Variants in SPATS2 observed in about 807,000 individuals in gnomAD.
The protein encoded by SPATS2 is spermatogenesis associated serine rich 2, also known as spermatogenesis-associated serine-rich protein 2.
SPATS2 carries 38 observed loss-of-function variants against 63.7 expected under a neutral mutation model. The observed-to-expected ratio is 0.60, with a 90% confidence interval of 0.46 to 0.78. The LOEUF is 0.78. SPATS2 is among the 30% of genes least tolerant of loss of function. The pLI is 0.00. For missense variants in SPATS2, 588 were observed against 666.2 expected, an observed-to-expected ratio of 0.88 and a Z score of 1.29; for synonymous variants, 207 against 232.9, an observed-to-expected ratio of 0.89 and a Z score of 1.01.
intron 9 of SPATS2, among the ~76,000 whole-genome samples, chr12:49,502,177 CCTAA>C (rs1335971611): frequency 2.0e-5 from 3 of 152,242 alleles, no homozygotes; most frequent in African/African-American, 7.2e-5. Context: ...TCAGGTTATA[CCTAA>C]CTGTGTCTCT....
chr12:49,412,966 A>G (rs903354772), intron 2 of SPATS2, among the ~76,000 whole-genome samples: 67 of 152,260 alleles, frequency 4.4e-4, no homozygotes, highest in African/African-American at 1.5e-3. Flanking sequence ...CTGAGTAAGC[A>G]TAAAGCTAGT....
intron 2 of SPATS2, among the ~76,000 whole-genome samples, chr12:49,381,555 A>G (rs982817214): frequency 6.6e-6 from 1 of 152,186 alleles, no homozygotes; most frequent in Admixed American, 6.5e-5. Flanking sequence ...TATATTATCA[A>G]TGTTTAATTA....
chr12:49,494,940 C>G lies in SPATS2; in HGVS notation c.464C>G (p.Ser155Ter). The change falls in exon 7 of 14, where the codon TCA becomes TGA. Residue 155 changes from serine (S) to a stop codon, truncating the protein, a stop_gained. Coordinates refer to ENST00000552918, the MANE Select transcript of SPATS2 (RefSeq NM_023071.4). LOFTEE classifies it high-confidence loss of function. The stretch of plus-strand genomic sequence containing the variant: ...CTCAGTGAAGGTTTGGAGACACTTT[C>G]AATAGATGCCAGAGAATTGGAGGAT... ...DSLSEGLETL[S>*]IDARELEDPE... is the part of the protein sequence containing the mutation. 6.2e-7 allele frequency: 1 copy of G among 1,613,942 alleles called. No homozygotes were observed. Among genetic ancestry groups the G allele is most frequent in the Non-Finnish European group, 8.5e-7 (1 of 1,179,964 alleles).
At chr12:49,385,646 GA>G (rs1944301515) in intron 2 of SPATS2, among the ~76,000 whole-genome samples, 1 of 152,038 alleles carries the variant, frequency 6.6e-6, no homozygotes, top group Non-Finnish European at 1.5e-5. Context: ...TATTCTCAGT[GA>G]ATTAGGAAAT....
intron 13 of SPATS2, among the ~76,000 whole-genome samples, chr12:49,525,407 C>T (rs1406959779): frequency 6.6e-6 from 1 of 152,170 alleles, no homozygotes; most frequent in African/African-American, 2.4e-5. Flanking sequence ...AGTAATTCTT[C>T]AGAACTGGTA....
chr12:49,486,154 C>A, intron 4 of SPATS2: 2 of 438,900 alleles, frequency 4.6e-6, no homozygotes, highest in Non-Finnish European at 9.1e-6. Context: ...AGAATCTTAC[C>A]TTTATCGTAG....
chr12:49,388,973 T>C (rs2137234312), intron 2 of SPATS2, among the ~76,000 whole-genome samples: 1 of 152,210 alleles, frequency 6.6e-6, no homozygotes, highest in South Asian at 2.1e-4. Context: ...GGATTACAAG[T>C]GTGAGCCATG....
intron 2 of SPATS2, among the ~76,000 whole-genome samples, chr12:49,384,015 C>T (rs182112750): frequency 8.5e-5 from 13 of 152,328 alleles, no homozygotes; most frequent in African/African-American, 3.1e-4. Context: ...ATTCCCTTCT[C>T]TCAGCTTCCC....
At chr12:49,374,086 CAAT>C (rs752692873) in intron 2 of SPATS2, among the ~76,000 whole-genome samples, 3 of 149,222 alleles carry the variant, frequency 2.0e-5, no homozygotes, top group African/African-American at 4.9e-5. Flanking sequence ...TGTCTCTAAA[CAAT>C]AAAAAAAAAA....
At chr12:49,380,416 T>G (rs1022107013) in intron 2 of SPATS2, among the ~76,000 whole-genome samples, 1 of 152,044 alleles carries the variant, frequency 6.6e-6, no homozygotes, top group Non-Finnish European at 1.5e-5. Context: ...TGAAAAAATC[T>G]GTTTATTGGC....
At chr12:49,423,398 C>T (rs150003942) in intron 2 of SPATS2, among the ~76,000 whole-genome samples, 4 of 152,250 alleles carry the variant, frequency 2.6e-5, no homozygotes, top group South Asian at 2.1e-4. Context: ...TCCCACAGTG[C>T]TAGGATTACG....
rs1332705418 is a variant in SPATS2 at position 49,500,063 on chromosome 12, C to T, written c.704-7C>T. ...TTTTTTTTAATATTTCGGTTTTTTT[C>T]CCCAAGGTTCCAATATTGAAAAATC... On this transcript the variant is annotated splice_polypyrimidine_tract_variant and splice_region_variant and intron_variant, in intron 8 of 13. Coordinates refer to ENST00000552918, the MANE Select transcript of SPATS2 (RefSeq NM_023071.4). 3 of 1,434,828 alleles carry T rather than the reference C, an allele frequency of 2.1e-6. No individual in the cohort carries two copies. Among genetic ancestry groups the T allele is most frequent in the Non-Finnish European group, 2.7e-6 (3 of 1,094,114 alleles). 88.9% of individuals were successfully genotyped at this position (1,434,828 alleles called of 1,614,324 possible). A position where few individuals can be genotyped will look rare whatever the true frequency, so the allele number is the denominator to read the frequency against.
intron 6 of SPATS2, 50 bp from the exon 7 acceptor site, chr12:49,494,691 G>A: frequency 6.8e-7 from 1 of 1,460,090 alleles, no homozygotes; most frequent in Non-Finnish European, 9.1e-7. Flanking sequence ...AGGTTGTGGG[G>A]GAATCTTTTC....
intron 2 of SPATS2, chr12:49,389,938 A>C: frequency 1.2e-6 from 1 of 805,996 alleles, no homozygotes; most frequent in Non-Finnish European, 2.2e-6. Context: ...TTGACCAGAT[A>C]AATGAAATAT....
At chr12:49,424,255 A>G (rs1945034161) in intron 2 of SPATS2, among the ~76,000 whole-genome samples, 2 of 152,080 alleles carry the variant, frequency 1.3e-5, no homozygotes, top group African/African-American at 4.8e-5. Context: ...TTATTTTTCT[A>G]CTTCAGTGAT....
chr12:49,513,366 G>C (rs1486037569), intron 9 of SPATS2, among the ~76,000 whole-genome samples: 1 of 152,134 alleles, frequency 6.6e-6, no homozygotes, highest in East Asian at 1.9e-4. Flanking sequence ...GTTTGTGCAA[G>C]TATTAACATT....
chr12:49,405,390 A>G (rs1359066927), intron 2 of SPATS2, among the ~76,000 whole-genome samples: 1 of 152,092 alleles, frequency 6.6e-6, no homozygotes, highest in Admixed American at 6.6e-5. Context: ...TCATATGTCC[A>G]TCTCTCAAAA....
chr12:49,396,722 C>T (rs1032286128), intron 2 of SPATS2, among the ~76,000 whole-genome samples: 1 of 152,204 alleles, frequency 6.6e-6, no homozygotes, highest in Non-Finnish European at 1.5e-5. Flanking sequence ...AGCTAGAGAG[C>T]TGTTTCTACT....
intron 2 of SPATS2, among the ~76,000 whole-genome samples, chr12:49,430,618 A>AT (rs1945169372): frequency 6.6e-6 from 1 of 152,040 alleles, no homozygotes; most frequent in Non-Finnish European, 1.5e-5. Flanking sequence ...GAACCTGTTG[A>AT]TTGGGTTTCT....
Sources: gnomAD v4.1 joint callset for allele counts (sites outside exome capture counted in the v4.1 genomes callset) on GRCh38, gnomAD v4.1.1 for gene constraint, MANE v1.5 for transcripts, NCBI Gene and HGNC (gene_info 2026-07-23, HGNC 2026-07-21) for gene names.